The following SLX9 variants were observed in gnomAD, a reference collection of about 807,000 sequenced individuals.
SLX9 encodes ribosome biogenesis protein SLX9 homolog.
Under a neutral mutation model 20.8 loss-of-function variants are expected in SLX9, and 19 were observed. That is an observed-to-expected ratio of 0.91 (90% CI 0.64 to 1.34). The LOEUF (loss-of-function observed/expected upper bound fraction) is 1.34, where lower values mean the gene tolerates loss of function less well. Ranked by LOEUF, SLX9 falls within the 40% of genes most tolerant of loss-of-function variation. SLX9 has a pLI of 0.00. For synonymous variants in SLX9, 113 were observed against 137.1 expected (o/e 0.82, Z 1.23); for missense variants, 299 against 322.2 (o/e 0.93, Z 0.55).
At chr21:44,940,329 C>T in intron 1 of SLX9, 143 bp downstream of exon 1, 1 of 1,148,186 alleles carries the variant, frequency 8.7e-7, no homozygotes, top group Non-Finnish European at 1.1e-6. Flanking sequence ...ACGCGACCTT[C>T]TTGCTTCGCG....
intron 5 of SLX9, among the ~76,000 whole-genome samples, chr21:44,976,359 G>C (rs2085262604): frequency 2.0e-5 from 3 of 152,320 alleles, no homozygotes; most frequent in African/African-American, 7.2e-5. Flanking sequence ...CATGTAAGGA[G>C]TGAGTCTGCA....
intron 4 of SLX9, among the ~76,000 whole-genome samples, chr21:44,970,141 C>T (rs750708271): frequency 6.6e-5 from 10 of 152,214 alleles, no homozygotes; most frequent in Non-Finnish European, 1.2e-4. Flanking sequence ...AGTCGCTCTG[C>T]AGCCCTGGCC....
At chr21:44,966,008 A>G (rs1017347896) in intron 3 of SLX9, among the ~76,000 whole-genome samples, 3 of 152,138 alleles carry the variant, frequency 2.0e-5, no homozygotes, top group Non-Finnish European at 1.5e-5. Flanking sequence ...ACACCTTCCA[A>G]GCTCTCAACC....
upstream of SLX9, chr21:44,940,018 C>A: frequency 7.2e-7 from 1 of 1,388,284 alleles, no homozygotes; most frequent in Non-Finnish European, 9.3e-7. Flanking sequence ...GACCAGCTTC[C>A]GGGAGGCGCT....
intron 2 of SLX9, among the ~76,000 whole-genome samples, chr21:44,952,191 A>G (rs1241589903): frequency 7.6e-6 from 1 of 131,742 alleles, no homozygotes; most frequent in Non-Finnish European, 1.5e-5. Flanking sequence ...ACTCAGGTTC[A>G]CTCAGGCCTT....
At chr21:44,969,228 G>C (rs1292725228) in intron 4 of SLX9, 1 of 469,440 alleles carries the variant, frequency 2.1e-6, no homozygotes, top group East Asian at 7.0e-5. Flanking sequence ...CTGGCATCCC[G>C]CGGCGGAGGC....
At chr21:44,955,158 A>C (rs2084831786) in intron 2 of SLX9, among the ~76,000 whole-genome samples, 1 of 151,262 alleles carries the variant, frequency 6.6e-6, no homozygotes. Context: ...AGAGATTGCA[A>C]GATCGTGCCA....
At chr21:44,960,575 T>G (rs1280393814) in intron 3 of SLX9, among the ~76,000 whole-genome samples, 2 of 152,262 alleles carry the variant, frequency 1.3e-5, no homozygotes, top group African/African-American at 4.8e-5. Context: ...GTGGAGTTTT[T>G]ATGGTTCAGA....
At position 44,940,145 on chromosome 21, in the gene SLX9, G is replaced by A. The variant is rs962881136; in HGVS notation, c.88G>A (p.Ala30Thr). The change falls in exon 1 of 6, where the codon GCC (alanine) becomes ACC (threonine). Residue 30 changes from alanine to threonine, a missense_variant. Ala to Thr is a moderately conservative substitution (Grantham distance 58). Coordinates refer to ENST00000291634, the MANE Select transcript of SLX9 (RefSeq NM_058190.4). The part of the protein sequence containing the change: ...GEAAPGPAPP[A>T]PEATPPPASA... ...GGCCGCCCCCGGCCCCGCGCCCCCTGCCCCGGAGGCGACCCCTCCGCCGGC... is the reference window on the plus strand; with the variant it reads ...GGCCGCCCCCGGCCCCGCGCCCCCTACCCCGGAGGCGACCCCTCCGCCGGC... 5.3e-5 allele frequency: 70 copies of A among 1,314,462 alleles called. No individual in the cohort carries two copies. The Middle Eastern group carries it at 8.8e-4, about 16-fold the overall frequency. 81.4% of individuals were successfully genotyped at this position (1,314,462 alleles called of 1,614,324 possible).
At chr21:44,950,550 C>T (rs2084737924) in intron 2 of SLX9, among the ~76,000 whole-genome samples, 1 of 152,218 alleles carries the variant, frequency 6.6e-6, no homozygotes, top group South Asian at 2.1e-4. Flanking sequence ...AGCCCAATGA[C>T]TTGTTTCTTA....
chr21:44,943,934 T>C, intron 2 of SLX9, 97 bp downstream of exon 2: 23 of 1,512,846 alleles, frequency 1.5e-5, no homozygotes, highest in Non-Finnish European at 2.1e-5. Flanking sequence ...AGCTAACCTG[T>C]ACCTGACAAT....
At chr21:44,943,931 C>CCGA (rs2084596449) in intron 2 of SLX9, 94 bp downstream of exon 2, 1 of 1,527,176 alleles carries the variant, frequency 6.5e-7, no homozygotes, top group Admixed American at 1.8e-5. Context: ...TCCAGCTAAC[C>CCGA]TGTACCTGAC....
chr21:44,972,232 G>A (rs946415519), intron 4 of SLX9, among the ~76,000 whole-genome samples: 6 of 152,146 alleles, frequency 3.9e-5, no homozygotes, highest in South Asian at 2.1e-4. Context: ...GTGGCCTTGC[G>A]GGTTCTCTGT....
intron 3 of SLX9, among the ~76,000 whole-genome samples, chr21:44,965,347 C>CGCCACTGCCTCGCTCCCTCCCT (rs2085015505): frequency 6.6e-6 from 1 of 152,130 alleles, no homozygotes; most frequent in African/African-American, 2.4e-5. Flanking sequence ...GGTCCCGCCC[C>CGCCACTGCCTCGCTCCCTCCCT]GCCACTGCCT....
At chr21:44,948,569 A>G (rs1568930610) in intron 2 of SLX9, among the ~76,000 whole-genome samples, 1 of 152,086 alleles carries the variant, frequency 6.6e-6, no homozygotes, top group Non-Finnish European at 1.5e-5. Context: ...AAGGCCTGGT[A>G]TGGACTCAGA....
Position 44,956,691 on chromosome 21 carries a change from C to T in SLX9, c.284-3409C>T, listed in dbSNP as rs17004721. Among the ~76,000 whole-genome samples, 1,267 of 152,342 alleles carry T rather than the reference C, an allele frequency of 8.3e-3. 21 individuals carry two copies. The highest frequency in any genetic ancestry group is 0.029 in the African/African-American group (1,210 of 41,570). On this transcript the variant is annotated intron_variant, in intron 2 of 5. Coordinates refer to ENST00000291634, the MANE Select transcript of SLX9 (RefSeq NM_058190.4). ...TTGTTGATGGCGTGCACGGAAAAGC[C>T]GGTCTCATGCTGATTTTCCTTAGGG...
At chr21:44,939,705 C>G, upstream of SLX9, 1 of 468,772 alleles carries the variant, frequency 2.1e-6, no homozygotes, top group African/African-American at 2.0e-5. Flanking sequence ...GACTCCTTCT[C>G]AAATATAGAA....
chr21:44,967,817 C>T (rs1437483745), intron 4 of SLX9, among the ~76,000 whole-genome samples: 1 of 152,168 alleles, frequency 6.6e-6, no homozygotes, highest in Non-Finnish European at 1.5e-5. Flanking sequence ...CTGCCTCGTG[C>T]GTCCTCCCCA....
chr21:44,955,292 C>T (rs2084835846), intron 2 of SLX9, among the ~76,000 whole-genome samples: 1 of 152,170 alleles, frequency 6.6e-6, no homozygotes, highest in African/African-American at 2.4e-5. Flanking sequence ...GTCCCCTGTG[C>T]TCCTGCCGCT....
Sources: allele counts gnomAD v4.1 joint callset (sites outside exome capture counted in the v4.1 genomes callset), GRCh38; gene constraint gnomAD v4.1.1; transcripts MANE v1.5; gene names NCBI Gene and HGNC (gene_info 2026-07-23, HGNC 2026-07-21).